The following GPHN variants were observed in gnomAD, a reference collection of about 807,000 sequenced individuals.
The protein encoded by GPHN is gephyrin.
In GPHN, 17 loss-of-function variants were observed where a neutral mutation model predicts 95.5. The ratio of observed to expected loss-of-function variants is 0.18; its 90% confidence interval spans 0.12 to 0.27. GPHN has a LOEUF of 0.27. Among genes scored for constraint, GPHN ranks in the 10% least tolerant of loss-of-function variants. The pLI is 1.00. For missense variants in GPHN, 660 were observed against 978.1 expected (o/e 0.67, Z 4.34); for synonymous variants, 320 against 322.5 (o/e 0.99, Z 0.08).
chr14:66,662,599 G>C (rs2065724326), intron 1 of GPHN, among the ~76,000 whole-genome samples: 1 of 152,200 alleles, frequency 6.6e-6, no homozygotes, highest in African/African-American at 2.4e-5. Flanking sequence ...TCTCCAGCAA[G>C]GGTTTGGAAT....
rs116015762 is a variant in GPHN, at chr14:67,108,395, A to G, written c.1294-1745A>G. 5.5e-3 allele frequency among the ~76,000 whole-genome samples: 839 copies of G among 152,306 alleles called. 3 individuals carry two copies. The highest frequency in any genetic ancestry group is 0.019 in the African/African-American group (801 of 41,550). On this transcript the variant is annotated intron_variant, in intron 13 of 22. Transcript: ENST00000478722. ...TCACCAGACGCCAAAGTGGTGGGAAACTGGTTAAAATAGTCCATAGAGGTC... is the reference window on the plus strand; with the variant it reads ...TCACCAGACGCCAAAGTGGTGGGAAGCTGGTTAAAATAGTCCATAGAGGTC...
chr14:67,030,286 T>C (rs1234501119), intron 10 of GPHN, among the ~76,000 whole-genome samples: 1 of 152,200 alleles, frequency 6.6e-6, no homozygotes, highest in Non-Finnish European at 1.5e-5. Context: ...GTAACATCAC[T>C]AGCCACTGAT....
chr14:66,992,162 A>G (rs573966944), intron 9 of GPHN, among the ~76,000 whole-genome samples: 2 of 152,300 alleles, frequency 1.3e-5, no homozygotes, highest in South Asian at 4.1e-4. Context: ...TTAAATTTCT[A>G]TTCAGCTACA....
At chr14:67,477,278 C>A in the GPHN span, among the ~76,000 whole-genome samples, 3 of 152,222 alleles carry the variant, frequency 2.0e-5, no homozygotes, top group African/African-American at 4.8e-5. Flanking sequence ...ACATCTTCAG[C>A]CTTTTCCTCA....
At chr14:66,967,947 G>A (rs72730429) in intron 9 of GPHN, among the ~76,000 whole-genome samples, 3,671 of 151,924 alleles carry the variant, frequency 0.024, 68 homozygotes, top group Non-Finnish European at 0.036. Context: ...TTAAAGGCAG[G>A]TGTCACCAAT....
chr14:67,320,549 A>T, the GPHN span: 2 of 714,056 alleles, frequency 2.8e-6, no homozygotes, highest in Non-Finnish European at 4.2e-6. Flanking sequence ...CAATTTTTAA[A>T]TTAAAAATAG....
At chr14:67,684,852 A>C in the GPHN span, 1 of 516,298 alleles carries the variant, frequency 1.9e-6, no homozygotes, top group Non-Finnish European at 3.4e-6. Flanking sequence ...AGCAGTTATT[A>C]CAAAAGAGAG....
chr14:67,461,372 C>T, the GPHN span, among the ~76,000 whole-genome samples: 1 of 152,110 alleles, frequency 6.6e-6, no homozygotes, highest in Non-Finnish European at 1.5e-5. Context: ...ACTCCAAAGC[C>T]TGGGGTATTG....
intron 1 of GPHN, among the ~76,000 whole-genome samples, chr14:66,591,969 A>C (rs1279677827): frequency 2.0e-5 from 3 of 152,204 alleles, no homozygotes; most frequent in Non-Finnish European, 4.4e-5. Flanking sequence ...ATATAGGCTA[A>C]TGGAACAGAA....
chr14:67,525,463 T>C, the GPHN span, among the ~76,000 whole-genome samples: 6 of 152,252 alleles, frequency 3.9e-5, no homozygotes, highest in Non-Finnish European at 8.8e-5. Context: ...TGGATCCTTT[T>C]CCCCTCTTTT....
chr14:67,130,005 A>C (rs2079599872), intron 17 of GPHN, among the ~76,000 whole-genome samples: 1 of 152,172 alleles, frequency 6.6e-6, no homozygotes, highest in Admixed American at 6.6e-5. Context: ...CTCTCATTAT[A>C]AATTCTTTTT....
chr14:66,765,523 C>G (rs373481128), intron 2 of GPHN, among the ~76,000 whole-genome samples: 1 of 152,088 alleles, frequency 6.6e-6, no homozygotes, highest in Non-Finnish European at 1.5e-5. Flanking sequence ...AACAGAAAAC[C>G]AAATGCCGTA....
At chr14:66,600,061 C>G (rs1264413935) in intron 1 of GPHN, among the ~76,000 whole-genome samples, 5 of 151,938 alleles carry the variant, frequency 3.3e-5, no homozygotes, top group Admixed American at 6.6e-5. Context: ...GCATGTACCC[C>G]TCTTTCAAAT....
chr14:66,953,535 T>C (rs1214156390), intron 8 of GPHN, among the ~76,000 whole-genome samples: 4 of 152,234 alleles, frequency 2.6e-5, no homozygotes, highest in Non-Finnish European at 4.4e-5. Context: ...TTCATTCTTT[T>C]GCATATGGAT....
chr14:66,930,649 C>A (rs976643540), intron 8 of GPHN, among the ~76,000 whole-genome samples: 1 of 151,720 alleles, frequency 6.6e-6, no homozygotes, highest in Non-Finnish European at 1.5e-5. Flanking sequence ...TCTCAGTCTC[C>A]CAAGTAGCTG....
chr14:66,845,790 C>T (rs1380502235), intron 4 of GPHN, among the ~76,000 whole-genome samples: 2 of 149,952 alleles, frequency 1.3e-5, no homozygotes, highest in South Asian at 2.1e-4. Context: ...GTTTGGAATT[C>T]GGTTTAGGTA....
chr14:67,342,856 A>G, the GPHN span, among the ~76,000 whole-genome samples: 1 of 152,106 alleles, frequency 6.6e-6, no homozygotes, highest in Non-Finnish European at 1.5e-5. Flanking sequence ...TTTAATAAAA[A>G]CTAAGTTTAT....
intron 10 of GPHN, among the ~76,000 whole-genome samples, chr14:67,034,538 A>G (rs1178376689): frequency 1.3e-5 from 2 of 152,168 alleles, no homozygotes; most frequent in African/African-American, 4.8e-5. Context: ...TATTCTGTCT[A>G]CAAGAGACTC....
chr14:66,627,191 A>T (rs2063557893), intron 1 of GPHN, among the ~76,000 whole-genome samples: 1 of 152,000 alleles, frequency 6.6e-6, no homozygotes, highest in Admixed American at 6.6e-5. Flanking sequence ...TGAATCTCTT[A>T]CCTATACCAT....
Sources: allele counts gnomAD v4.1 joint callset (sites outside exome capture counted in the v4.1 genomes callset), GRCh38; gene constraint gnomAD v4.1.1; transcripts MANE v1.5; gene names NCBI Gene and HGNC (gene_info 2026-07-23, HGNC 2026-07-21).